The following DISP1 variants were observed in gnomAD, a reference collection of about 807,000 sequenced individuals.
The protein encoded by DISP1 is dispatched RND transporter family member 1, also known as protein dispatched homolog 1.
Under a neutral mutation model 37.3 loss-of-function variants are expected in DISP1, and 30 were observed. The ratio of observed to expected loss-of-function variants is 0.80; its 90% CI spans 0.60 to 1.09. The LOEUF (loss-of-function observed/expected upper bound fraction) is 1.09, where lower values mean the gene tolerates loss of function less well. DISP1 is among the 50% of genes least tolerant of loss of function. The probability of loss-of-function intolerance (pLI) is 0.00; values close to 1 mark genes in which losing one functional copy is unlikely to be tolerated. For synonymous variants in DISP1, 634 were observed against 690.2 expected (o/e 0.92, Z 1.28); for missense variants, 1,598 against 1,879.5 (o/e 0.85, Z 2.77).
At chr1:222,840,557 CTTT>C (rs71176702) in intron 1 of DISP1, among the ~76,000 whole-genome samples, 2 of 116,118 alleles carry the variant, frequency 1.7e-5, no homozygotes, top group African/African-American at 3.2e-5. Context: ...TACAGTATCT[CTTT>C]TTTTTTTTTT....
rs141970608 is a variant in DISP1, at chr1:222,844,477, G to A, written c.-159+29399G>A. ...GCCTTCAGTTATATAATGGATAGCC[G>A]ATCCAGCCTTTCCTTTTAAGAAAAT... On this transcript the variant is annotated intron_variant, in intron 1 of 8. Transcript: ENST00000675850. 1.3e-3 allele frequency among the ~76,000 whole-genome samples: 201 copies of A among 152,166 alleles called. 1 individual carries two copies. Among genetic ancestry groups the A allele is most frequent in the African/African-American group, 4.2e-3 (174 of 41,554 alleles).
At chr1:222,882,190 A>G (rs1237014278) in intron 1 of DISP1, among the ~76,000 whole-genome samples, 1 of 152,234 alleles carries the variant, frequency 6.6e-6, no homozygotes, top group African/African-American at 2.4e-5. Flanking sequence ...TTATTTCATT[A>G]TGGAGTGTTT....
intron 3 of DISP1, among the ~76,000 whole-genome samples, chr1:222,975,226 T>G (rs1307947720): frequency 6.6e-6 from 1 of 151,930 alleles, no homozygotes; most frequent in Non-Finnish European, 1.5e-5. Flanking sequence ...GGGCTCACTA[T>G]CACGCCCAGG....
intron 1 of DISP1, among the ~76,000 whole-genome samples, chr1:222,915,897 T>C (rs915956333): frequency 6.6e-6 from 1 of 152,246 alleles, no homozygotes; most frequent in African/African-American, 2.4e-5. Context: ...TATTGTTGCT[T>C]TGTAACCAAA....
chr1:222,943,944 C>T (rs1674571101), intron 3 of DISP1, among the ~76,000 whole-genome samples: 2 of 152,024 alleles, frequency 1.3e-5, no homozygotes, highest in South Asian at 2.1e-4. Flanking sequence ...GCAGGAGAAT[C>T]GCGTGAACCT....
At chr1:222,916,956 A>G (rs1019007873) in intron 1 of DISP1, among the ~76,000 whole-genome samples, 23 of 152,130 alleles carry the variant, frequency 1.5e-4, no homozygotes, top group African/African-American at 4.3e-4. Flanking sequence ...GACAAACTGC[A>G]TCTGCCGCCC....
intron 1 of DISP1, among the ~76,000 whole-genome samples, chr1:222,820,220 G>A (rs1184345170): frequency 3.3e-5 from 5 of 152,210 alleles, no homozygotes; most frequent in Non-Finnish European, 2.9e-5. Context: ...TACGAGAATG[G>A]AGGTGGTATT....
At chr1:222,883,662 G>C (rs1368243745) in intron 1 of DISP1, among the ~76,000 whole-genome samples, 2 of 152,128 alleles carry the variant, frequency 1.3e-5, no homozygotes, top group Non-Finnish European at 2.9e-5. Flanking sequence ...GAGACAAGCT[G>C]TTCAAGAGTT....
At chr1:222,938,273 C>A (rs995412866) in intron 2 of DISP1, among the ~76,000 whole-genome samples, 1 of 152,166 alleles carries the variant, frequency 6.6e-6, no homozygotes, top group Non-Finnish European at 1.5e-5. Context: ...TAATCATATA[C>A]CATTACACTT....
chr1:222,966,054 GGATA>G (rs1331560388), intron 3 of DISP1, among the ~76,000 whole-genome samples: 3 of 151,966 alleles, frequency 2.0e-5, no homozygotes, highest in African/African-American at 7.3e-5. Context: ...ATGGATGGAT[GGATA>G]GATAGAGATA....
chr1:222,966,133 A>AT, intron 3 of DISP1, among the ~76,000 whole-genome samples: 1 of 152,260 alleles, frequency 6.6e-6, no homozygotes, highest in East Asian at 1.9e-4. Context: ...AATCAGTGTA[A>AT]TTTTTTACAC....
intron 5 of DISP1, 52 bp from the exon 6 acceptor site, chr1:222,991,468 G>A: frequency 1.9e-6 from 3 of 1,610,614 alleles, no homozygotes; most frequent in Admixed American, 1.7e-5. Context: ...TATTGTAACT[G>A]TACTTAGCCT....
intron 1 of DISP1, among the ~76,000 whole-genome samples, chr1:222,826,895 G>A (rs955404675): frequency 6.6e-6 from 1 of 152,142 alleles, no homozygotes; most frequent in Non-Finnish European, 1.5e-5. Context: ...TAAAGCTGAT[G>A]CCTCCTGTTT....
intron 1 of DISP1, among the ~76,000 whole-genome samples, chr1:222,880,655 A>G (rs1007039746): frequency 3.3e-5 from 5 of 152,136 alleles, no homozygotes; most frequent in African/African-American, 7.2e-5. Context: ...AGTGGGCAAC[A>G]TTTTCCTTTT....
At chr1:222,816,748 C>G (rs1221061357) in intron 1 of DISP1, among the ~76,000 whole-genome samples, 3 of 152,154 alleles carry the variant, frequency 2.0e-5, no homozygotes, top group African/African-American at 7.2e-5. Flanking sequence ...TAAACAGTGC[C>G]TTAACATGTA....
At chr1:222,959,754 A>G (rs1675905038) in intron 3 of DISP1, among the ~76,000 whole-genome samples, 1 of 151,284 alleles carries the variant, frequency 6.6e-6, no homozygotes, top group Non-Finnish European at 1.5e-5. Context: ...TTATTGTTAT[A>G]GGCTCAAAAT....
intron 1 of DISP1, among the ~76,000 whole-genome samples, chr1:222,890,186 C>A (rs1670863180): frequency 6.6e-6 from 1 of 152,066 alleles, no homozygotes; most frequent in African/African-American, 2.4e-5. Flanking sequence ...CATTAGTGAG[C>A]AAAACATTTA....
chr1:222,907,360 A>G (rs933048178), intron 1 of DISP1, among the ~76,000 whole-genome samples: 2 of 152,216 alleles, frequency 1.3e-5, no homozygotes, highest in Admixed American at 6.5e-5. Flanking sequence ...AGAGATTCTC[A>G]AAGTGTGGTC....
intron 1 of DISP1, among the ~76,000 whole-genome samples, chr1:222,869,167 TC>T (rs1669374528): frequency 6.6e-6 from 1 of 152,126 alleles, no homozygotes; most frequent in African/African-American, 2.4e-5. Flanking sequence ...GTGTAAATGC[TC>T]CTGTAATTTT....
Sources: gnomAD v4.1 joint callset for allele counts (sites outside exome capture counted in the v4.1 genomes callset) on GRCh38, gnomAD v4.1.1 for gene constraint, MANE v1.5 for transcripts, NCBI Gene and HGNC (gene_info 2026-07-23, HGNC 2026-07-21) for gene names.